The following PDC variants were observed in gnomAD, a reference collection of about 807,000 sequenced individuals.
PDC encodes the protein 33 kDa phototransducing protein.
In PDC, 19 loss-of-function variants were observed where a neutral mutation model predicts 22.2. That is an observed-to-expected ratio of 0.86 (90% CI 0.60 to 1.26). PDC has a LOEUF of 1.26. Ranked by LOEUF, PDC falls within the 50% of genes most tolerant of loss-of-function variation. The probability of loss-of-function intolerance (pLI) is 0.00; values close to 1 mark genes in which losing one functional copy is unlikely to be tolerated. For synonymous variants in PDC, 97 were observed against 96.2 expected (o/e 1.01, Z -0.05); for missense variants, 274 against 286.8 (o/e 0.96, Z 0.32).
At chr1:186,453,009 T>C (rs1202546778) in intron 1 of PDC, among the ~76,000 whole-genome samples, 2 of 152,224 alleles carry the variant, frequency 1.3e-5, no homozygotes, top group African/African-American at 4.8e-5. Flanking sequence ...GACAGAATAA[T>C]GTGCATTTAA....
intron 2 of PDC, among the ~76,000 whole-genome samples, chr1:186,448,900 C>T (rs750179322): frequency 5.0e-4 from 76 of 152,008 alleles, no homozygotes; most frequent in Middle Eastern, 3.4e-3. Flanking sequence ...CATAATTTAA[C>T]AGATTAAGAA....
intron 1 of PDC, among the ~76,000 whole-genome samples, chr1:186,456,582 AT>A (rs753315240): frequency 1.3e-5 from 2 of 152,216 alleles, no homozygotes; most frequent in Non-Finnish European, 2.9e-5. Flanking sequence ...AACATAGAGC[AT>A]TGAAGTAGCT....
intron 3 of PDC, among the ~76,000 whole-genome samples, chr1:186,445,709 G>T (rs908023349): frequency 1.3e-5 from 2 of 152,020 alleles, no homozygotes; most frequent in Admixed American, 1.3e-4. Context: ...CAGGAGAATC[G>T]CTTGAACCCA....
chr1:186,446,660 T>C, intron 2 of PDC, 83 bp from the exon 3 acceptor site: 1 of 810,754 alleles, frequency 1.2e-6, no homozygotes, highest in Non-Finnish European at 1.9e-6. Flanking sequence ...GTAAGTATTG[T>C]CATGGAATAA....
intron 1 of PDC, among the ~76,000 whole-genome samples, chr1:186,454,168 CTTTTTTTTTTTT>C (rs397860509): frequency 1.1e-5 from 1 of 94,230 alleles, no homozygotes; most frequent in Non-Finnish European, 2.0e-5. Flanking sequence ...TCTTTTCTTT[CTTTTTTTTTTTT>C]TTTTTTTTTT....
chr1:186,458,163 A>G (rs1198894220), intron 1 of PDC, among the ~76,000 whole-genome samples: 1 of 149,416 alleles, frequency 6.7e-6, no homozygotes, highest in Non-Finnish European at 1.5e-5. Context: ...TCATAACTGA[A>G]TTCTTGTTCC....
chr1:186,453,089 G>T (rs571365896), intron 1 of PDC, among the ~76,000 whole-genome samples: 2 of 152,096 alleles, frequency 1.3e-5, no homozygotes, highest in African/African-American at 4.8e-5. Context: ...GCTTAAAATA[G>T]AATTTTACCA....
At chr1:186,460,554 G>T (rs896966867) in intron 1 of PDC, among the ~76,000 whole-genome samples, 5 of 152,126 alleles carry the variant, frequency 3.3e-5, no homozygotes, top group African/African-American at 9.7e-5. Flanking sequence ...CTTTATCACA[G>T]GTATGTATGT....
chr1:186,455,988 AAAAAAAATATATATAT>A (rs1214642555), intron 1 of PDC, among the ~76,000 whole-genome samples: 1 of 90,098 alleles, frequency 1.1e-5, no homozygotes, highest in Non-Finnish European at 2.0e-5. Flanking sequence ...AAAAAAAAAA[AAAAAAAATATATATAT>A]ATATATATAT....
chr1:186,452,248 T>G (rs1244951796), intron 1 of PDC, among the ~76,000 whole-genome samples: 1 of 152,186 alleles, frequency 6.6e-6, no homozygotes. Flanking sequence ...AATTTTTTTT[T>G]GTCTTTTTTA....
intron 1 of PDC, among the ~76,000 whole-genome samples, chr1:186,459,844 C>A (rs1018900044): frequency 1.4e-5 from 2 of 143,182 alleles, no homozygotes; most frequent in Non-Finnish European, 3.0e-5. Context: ...CATTGCAAAT[C>A]AATTACTGCA....
At chr1:186,454,540 C>T (rs1662419438) in intron 1 of PDC, among the ~76,000 whole-genome samples, 1 of 152,192 alleles carries the variant, frequency 6.6e-6, no homozygotes, top group Non-Finnish European at 1.5e-5. Context: ...GTATAAAAGA[C>T]ATACTGTTGG....
chr1:186,458,360 A>G (rs1334287257), intron 1 of PDC, among the ~76,000 whole-genome samples: 6 of 151,072 alleles, frequency 4.0e-5, no homozygotes, highest in African/African-American at 1.2e-4. Flanking sequence ...GAAAGAGAAA[A>G]AGTCTTGGTC....
intron 1 of PDC, among the ~76,000 whole-genome samples, chr1:186,453,049 T>G (rs1662383570): frequency 6.6e-6 from 1 of 152,198 alleles, no homozygotes; most frequent in African/African-American, 2.4e-5. Context: ...TCGAAAGTAA[T>G]AGTAAAAGCT....
chr1:186,449,237 T>C (rs1425702273), intron 2 of PDC, among the ~76,000 whole-genome samples, 162 bp downstream of exon 2: 1 of 152,168 alleles, frequency 6.6e-6, no homozygotes, highest in African/African-American at 2.4e-5. Flanking sequence ...AATTATTTGA[T>C]TTCAAAAATT....
At chr1:186,454,759 A>G (rs1662422668) in intron 1 of PDC, among the ~76,000 whole-genome samples, 1 of 152,230 alleles carries the variant, frequency 6.6e-6, no homozygotes, top group African/African-American at 2.4e-5. Context: ...TTGTAAAGTG[A>G]GATATTTCAC....
rs1177111848 is a variant in PDC, at chr1:186,451,425, C to T, written c.-24-1942G>A. 2.6e-5 allele frequency among the ~76,000 whole-genome samples: 4 copies of T among 152,106 alleles called. No individual in the cohort carries two copies. The East Asian group carries it at 7.7e-4, about 29-fold the overall frequency. ...TGAATAAATTTTGCATCTCAAAAGA[C>T]ATGAAAATTTTTACTTCGAAAGAAA... is the stretch of plus-strand genomic sequence containing the variant. On this transcript the variant is annotated intron_variant, in intron 1 of 3. Transcript: ENST00000391997.
chr1:186,447,235 A>G (rs774933338), intron 2 of PDC, among the ~76,000 whole-genome samples: 8 of 151,620 alleles, frequency 5.3e-5, no homozygotes, highest in Non-Finnish European at 8.8e-5. Flanking sequence ...CGCAACCTCC[A>G]CTTCCTGGGT....
In PDC at chr1:186,448,659, T is replaced by C. The variant is rs541234088; in HGVS notation, c.61+740A>G. 4.2e-6 allele frequency: 4 copies of C among 953,050 alleles called. No individual in the cohort carries two copies. In the South Asian group the frequency reaches 1.5e-4, roughly 35 times the overall value. 59.0% of individuals were successfully genotyped at this position (953,050 alleles called of 1,614,324 possible). A position where few individuals can be genotyped will look rare whatever the true frequency, so the allele number is the denominator to read the frequency against. On this transcript the variant is annotated intron_variant, in intron 2 of 3. Coordinates refer to ENST00000391997, the MANE Select transcript of PDC (RefSeq NM_002597.5). ...TTCAATGGTCTTTTTGTTGTTGTTT[T>C]TGTTTTTGTCATAATTAGGAAGGTA...
Sources: allele counts gnomAD v4.1 joint callset (sites outside exome capture counted in the v4.1 genomes callset), GRCh38; gene constraint gnomAD v4.1.1; transcripts MANE v1.5; gene names NCBI Gene and HGNC (gene_info 2026-07-23, HGNC 2026-07-21).